Variants in PCDHGA10 observed in about 807,000 individuals in gnomAD.
The protein encoded by PCDHGA10 is protocadherin gamma-A10.
Under a neutral mutation model 59.5 loss-of-function variants are expected in PCDHGA10, and 42 were observed. The ratio of observed to expected loss-of-function variants is 0.71; its 90% CI spans 0.55 to 0.91. The LOEUF is 0.91. Ranked by LOEUF, PCDHGA10 falls within the 40% of genes least tolerant of loss-of-function variation. The pLI is 0.00. For missense variants in PCDHGA10, 1,111 were observed against 1,198.2 expected (o/e 0.93, Z 1.07); for synonymous variants, 511 against 517.2 (o/e 0.99, Z 0.16).
chr5:141,451,134 T>A (rs567790185), intron 1 of PCDHGA10, among the ~76,000 whole-genome samples: 1 of 152,254 alleles, frequency 6.6e-6, no homozygotes, highest in South Asian at 2.1e-4. Context: ...AGCCTTATGA[T>A]TGTATTTAGA....
At chr5:141,453,964 C>T (rs2098778500) in intron 1 of PCDHGA10, among the ~76,000 whole-genome samples, 1 of 152,296 alleles carries the variant, frequency 6.6e-6, no homozygotes, top group Non-Finnish European at 1.5e-5. Context: ...GACAGCAAAG[C>T]ATGTAGTTGT....
chr5:141,501,237 A>G (rs1327502244), intron 2 of PCDHGA10, among the ~76,000 whole-genome samples: 1 of 150,372 alleles, frequency 6.7e-6, no homozygotes, highest in Non-Finnish European at 1.5e-5. Flanking sequence ...CAGTTTTTTG[A>G]GCATGATGTA....
At chr5:141,439,266 G>A (rs1314903524) in intron 1 of PCDHGA10, among the ~76,000 whole-genome samples, 1 of 151,952 alleles carries the variant, frequency 6.6e-6, no homozygotes, top group Non-Finnish European at 1.5e-5. Context: ...TCAGCCAACA[G>A]TTCATTCTGA....
rs35224477 is a variant in PCDHGA10, at chr5:141,464,263, TA to T, written c.2437-30530del. On this transcript the variant is annotated intron_variant, in intron 1 of 3. Coordinates refer to ENST00000398610, the MANE Select transcript of PCDHGA10 (RefSeq NM_018913.3). ...CTGGGCTACAGAGCGAGACTCCGTC[TA>T]AAAAAAAAAAAAAGCAAAAAAAAAA... Among the ~76,000 whole-genome samples, 390 of 103,506 alleles carry T rather than the reference TA, an allele frequency of 3.8e-3. 1 individual carries two copies. Among genetic ancestry groups the T allele is most frequent in the Admixed American group, 4.7e-3 (45 of 9,486 alleles). 67.9% of individuals were successfully genotyped at this position (103,506 alleles called of 152,430 possible). A position where few individuals can be genotyped will look rare whatever the true frequency, so the allele number is the denominator to read the frequency against.
rs1477077191 is a variant in PCDHGA10, at chr5:141,427,802, C to T, written c.2436+12191C>T. 7.3e-6 allele frequency: 11 copies of T among 1,510,148 alleles called. No individual in the cohort carries two copies. In the South Asian group the frequency reaches 9.0e-5, roughly 12 times the overall value. The allele number at this position is 1,510,148 out of a possible 1,614,324, so 93.5% of individuals were successfully genotyped here. A position where few individuals can be genotyped will look rare whatever the true frequency, so the allele number is the denominator to read the frequency against. On this transcript the variant is annotated intron_variant, in intron 1 of 3. Transcript: ENST00000398610. ...CACTGTCGTCCTACGTGTCCGTGAG[C>T]GCACAGAGCGGGGTGGTGGTCGCGC... is the stretch of plus-strand genomic sequence containing the variant.
Position 141,414,498 on chromosome 5 carries a change from C to T in PCDHGA10, c.1323C>T (p.His441=), listed in dbSNP as rs2095755127. The part of the protein sequence containing the change: ...GGSPPLSTEA[H]FMLQVADIND... ...GTCCTCCTCTATCAACGGAAGCTCACTTTATGCTACAAGTGGCAGATATCA... is the reference window on the plus strand; with the variant it reads ...GTCCTCCTCTATCAACGGAAGCTCATTTTATGCTACAAGTGGCAGATATCA... Residue 441 remains histidine (H), a synonymous_variant, in exon 1 of 4, where the codon CAC becomes CAT. Coordinates refer to ENST00000398610, the MANE Select transcript of PCDHGA10 (RefSeq NM_018913.3). 1 of 1,613,848 alleles carries T rather than the reference C, an allele frequency of 6.2e-7. No homozygotes were observed. Among genetic ancestry groups the T allele is most frequent in the African/African-American group, 1.3e-5 (1 of 74,930 alleles).
intron 1 of PCDHGA10, among the ~76,000 whole-genome samples, chr5:141,450,503 T>G (rs1196541899): frequency 3.3e-5 from 5 of 152,258 alleles, no homozygotes; most frequent in Admixed American, 6.5e-5. Context: ...TTGTTTGTTT[T>G]GAGATGGAGT....
Position 141,470,005 on chromosome 5 carries a change from T to A in PCDHGA10, c.2437-24802T>A, listed in dbSNP as rs189976589. Reference sequence around the variant, plus strand: ...AATTAGCTGGTCGTCGTGGCACGCCTGTAATCCCAGCTACTCGGGATGCTG... The same window carrying A: ...AATTAGCTGGTCGTCGTGGCACGCCAGTAATCCCAGCTACTCGGGATGCTG... On this transcript the variant is annotated intron_variant, in intron 1 of 3. Coordinates refer to ENST00000398610, the MANE Select transcript of PCDHGA10 (RefSeq NM_018913.3). 2.4e-4 allele frequency among the ~76,000 whole-genome samples: 37 copies of A among 152,254 alleles called. 2 individuals carry two copies. The highest frequency in any genetic ancestry group is 7.2e-4 in the Admixed American group (11 of 15,274).
rs2099388737 is a variant in PCDHGA10 at position 141,476,307 on chromosome 5, G to T, written c.2437-18500G>T. 1 of 1,613,606 alleles carries T rather than the reference G, an allele frequency of 6.2e-7. No individual in the cohort carries two copies. The highest frequency in any genetic ancestry group is 1.3e-5 in the African/African-American group (1 of 74,728). ...TTGGATCTCGGTAGCCTCTCAGCCC[G>T]CAGGTTCCGGGTGGTGTCTGGAGCT... On this transcript the variant is annotated intron_variant, in intron 1 of 3. Coordinates refer to ENST00000398610, the MANE Select transcript of PCDHGA10 (RefSeq NM_018913.3). The surrounding 1 kb of genome is among the most constrained non-coding windows in gnomAD (Gnocchi z 7.6).
Position 141,427,760 on chromosome 5 carries a change from T to C in PCDHGA10, c.2436+12149T>C, listed in dbSNP as rs1464459008. On this transcript the variant is annotated intron_variant, in intron 1 of 3. Coordinates refer to ENST00000398610, the MANE Select transcript of PCDHGA10 (RefSeq NM_018913.3). The stretch of plus-strand genomic sequence containing the variant: ...AAGTCTCCTACTCCATCGTTACCAC[T>C]GACTTGGAGCTGCGGGCACTGTCGT... The C allele has an allele frequency of 4.4e-6, 6 of 1,360,822 alleles. No individual in the cohort carries two copies. The Admixed American group carries it at 5.1e-5, about 12-fold the overall frequency. 84.3% of individuals were successfully genotyped at this position (1,360,822 alleles called of 1,614,324 possible).
intron 1 of PCDHGA10, chr5:141,421,450 C>A (rs1193440607): frequency 2.5e-6 from 4 of 1,614,126 alleles, no homozygotes; most frequent in Non-Finnish European, 3.4e-6. Flanking sequence ...GAAGACACAG[C>A]TTTTCGCTGT....
intron 1 of PCDHGA10, chr5:141,419,377 C>A (rs2096371335): frequency 6.2e-7 from 1 of 1,613,572 alleles, no homozygotes; most frequent in African/African-American, 1.3e-5. Flanking sequence ...CCTACGTGTC[C>A]GTGAGCGCGC....
intron 1 of PCDHGA10, among the ~76,000 whole-genome samples, chr5:141,452,356 C>G (rs1008914676): frequency 6.6e-6 from 1 of 152,148 alleles, no homozygotes; most frequent in African/African-American, 2.4e-5. Flanking sequence ...ATCCAAAAGC[C>G]TTGCTTCATT....
rs372648693 is a variant in PCDHGA10, at chr5:141,417,997, G to A, written c.2436+2386G>A. 244 of 1,613,872 alleles carry A rather than the reference G, an allele frequency of 1.5e-4. No homozygotes were observed. The Middle Eastern group carries it at 3.5e-3, about 23-fold the overall frequency. On this transcript the variant is annotated intron_variant, in intron 1 of 3. Transcript: ENST00000398610. ...CGGAGGAGCTGGCCAAGGGCTCGGT[G>A]GTGGGGAACCTCGCTAAGGATCTAG...
Position 141,485,057 on chromosome 5 carries a change from C to T in PCDHGA10, c.2437-9750C>T. 1 of 843,720 alleles carries T rather than the reference C, an allele frequency of 1.2e-6. No individual in the cohort carries two copies. The highest frequency in any genetic ancestry group is 1.9e-6 in the Non-Finnish European group (1 of 524,586). 52.3% of individuals were successfully genotyped at this position (843,720 alleles called of 1,614,324 possible). On this transcript the variant is annotated intron_variant, in intron 1 of 3. Transcript: ENST00000398610. This position sits in a 1 kb window ranked among gnomAD's most constrained non-coding sequence, Gnocchi z 5.7. The stretch of plus-strand genomic sequence containing the variant: ...GTAACCCTTGCGGCGCCGGCCGAAC[C>T]GCGCCAGAGCTGGCGCGGGGAAAGG...
At position 141,433,356 on chromosome 5, in the gene PCDHGA10, T is replaced by A. The variant is rs549297958; in HGVS notation, c.2436+17745T>A. On this transcript the variant is annotated intron_variant, in intron 1 of 3. Transcript: ENST00000398610. ...CTACAGGTGCAAGCCACCTACTGTC[T>A]GCCTATCTATCTATCTATCTATCTA... The A allele has an allele frequency of 8.4e-5, 51 of 607,892 alleles. No homozygotes were observed. The African/African-American group carries it at 9.5e-4, about 11-fold the overall frequency. 37.7% of individuals were successfully genotyped at this position (607,892 alleles called of 1,614,324 possible).
chr5:141,458,578 TG>T, intron 1 of PCDHGA10, among the ~76,000 whole-genome samples: 1 of 152,138 alleles, frequency 6.6e-6, no homozygotes. Context: ...TTTGTTTGTT[TG>T]TTTGTTTTGG....
chr5:141,499,689 CTTTTTTTTTTTT>C (rs545067566), intron 2 of PCDHGA10, among the ~76,000 whole-genome samples: 1 of 119,856 alleles, frequency 8.3e-6, no homozygotes, highest in Non-Finnish European at 1.7e-5. Flanking sequence ...TAACAGATGA[CTTTTTTTTTTTT>C]TTTTTTTTTT....
chr5:141,464,913 A>AT (rs1366203949), intron 1 of PCDHGA10, among the ~76,000 whole-genome samples: 2 of 151,546 alleles, frequency 1.3e-5, no homozygotes, highest in South Asian at 4.2e-4. Flanking sequence ...TAATTTTTTT[A>AT]TTTTTTTGTA....
Sources: gnomAD v4.1 joint callset for allele counts (sites outside exome capture counted in the v4.1 genomes callset) on GRCh38, gnomAD v4.1.1 for gene constraint, Gnocchi (gnomAD v3.1) non-coding constraint, MANE v1.5 for transcripts, NCBI Gene and HGNC (gene_info 2026-07-23, HGNC 2026-07-21) for gene names.